Variants in SFTPA2 observed in about 807,000 individuals in gnomAD.
The protein encoded by SFTPA2 is pulmonary surfactant-associated protein A2.
SFTPA2 carries 21 observed loss-of-function variants against 20.3 expected under a neutral mutation model. The observed-to-expected ratio is 1.03, with a 90% CI of 0.73 to 1.49. The LOEUF is 1.49. SFTPA2 is among the 40% of genes most tolerant of loss of function. The pLI, the probability that SFTPA2 is intolerant of heterozygous loss-of-function variation, is 0.00. For synonymous variants in SFTPA2, 116 were observed against 118.7 expected, an observed-to-expected ratio of 0.98 and a Z score of 0.15; for missense variants, 302 against 314.8, an observed-to-expected ratio of 0.96 and a Z score of 0.31.
rs370004219 is a variant in SFTPA2 at position 79,559,092 on chromosome 10, G to T, written c.173-87C>A. ...AGACTCGATGCCCATTATCACCGGGGCTGGCTCAGCTATCACTCCGTGGGC... is the reference window on the plus strand; with the variant it reads ...AGACTCGATGCCCATTATCACCGGGTCTGGCTCAGCTATCACTCCGTGGGC... On this transcript the variant is annotated intron_variant, in intron 3 of 5. Transcript: ENST00000372325. 4,583 of 1,612,638 alleles carry T rather than the reference G, an allele frequency of 2.8e-3. 142 individuals carry two copies. In the South Asian group the frequency reaches 0.048, roughly 17 times the overall value.
At chr10:79,560,047 G>T in intron 1 of SFTPA2, 49 bp from the exon 2 acceptor site, 2 of 1,076,314 alleles carry the variant, frequency 1.9e-6, no homozygotes, top group East Asian at 1.5e-4. Flanking sequence ...ACCCTTCAAG[G>T]TGATCATCGG....
At chr10:79,557,957 C>G (rs989711626) in intron 5 of SFTPA2, 95 bp downstream of exon 5, 3 of 1,585,402 alleles carry the variant, frequency 1.9e-6, no homozygotes, top group Admixed American at 1.7e-5. Context: ...TGCATGTGCA[C>G]GCTTGTTTGT....
chr10:79,558,241 T>G (rs1029679026), intron 4 of SFTPA2, 112 bp from the exon 5 acceptor site: 5 of 1,603,138 alleles, frequency 3.1e-6, no homozygotes, highest in Non-Finnish European at 4.3e-6. Flanking sequence ...TTCATTGCTG[T>G]TAGGCACCAC....
rs1427538125 is a variant in SFTPA2 at position 79,555,868 on chromosome 10, A to G, written c.*1341T>C. 6.6e-6 allele frequency: 1 copy of G among 152,226 alleles called. No individual in the cohort carries two copies. The highest frequency in any genetic ancestry group is 1.5e-5 in the Non-Finnish European group (1 of 68,042). The allele number at this position is 152,226 out of a possible 1,614,324, so 9.4% of individuals were successfully genotyped here. ...AACCAAAGCTATGGAAACTCATGTGAACACACTAACGATTTATTATGCTTA... is the reference window on the plus strand; with the variant it reads ...AACCAAAGCTATGGAAACTCATGTGGACACACTAACGATTTATTATGCTTA... On this transcript the variant is annotated 3_prime_UTR_variant, in exon 6 of 6. Coordinates refer to ENST00000372325, the MANE Select transcript of SFTPA2 (RefSeq NM_001098668.4).
At chr10:79,558,798 G>A in intron 4 of SFTPA2, 88 bp downstream of exon 4, 2 of 1,608,756 alleles carry the variant, frequency 1.2e-6, no homozygotes, top group Non-Finnish European at 1.7e-6. Context: ...GAACCTGCAG[G>A]GTTTGTCTGA....
At position 79,559,022 on chromosome 10, in the gene SFTPA2, C is replaced by A; in HGVS notation, c.173-17G>T. On this transcript the variant is annotated splice_polypyrimidine_tract_variant and intron_variant, in intron 3 of 5. Coordinates refer to ENST00000372325, the MANE Select transcript of SFTPA2 (RefSeq NM_001098668.4). ...CCATGGGGCCTGCAGAGAAAAGAGA[C>A]ATGGATGTGTAGGATCTGTCACCCA... 2 of 1,614,170 alleles carry A rather than the reference C, an allele frequency of 1.2e-6. No homozygotes were observed. Among genetic ancestry groups the A allele is most frequent in the Non-Finnish European group, 1.7e-6 (2 of 1,180,036 alleles).
At chr10:79,559,846 G>A (rs909640544) in intron 2 of SFTPA2, 123 bp downstream of exon 2, 388 of 1,374,038 alleles carry the variant, frequency 2.8e-4, no homozygotes, top group Non-Finnish European at 3.6e-4. Flanking sequence ...TCACCTCTCT[G>A]ATTTCAGCTG....
chr10:79,559,754 G>A (rs1350173862), intron 2 of SFTPA2: 3 of 1,528,670 alleles, frequency 2.0e-6, no homozygotes, highest in East Asian at 2.5e-5. Context: ...AGAGTAAGGA[G>A]CTCTGGGGAG....
chr10:79,560,082 G>T (rs968842796), intron 1 of SFTPA2, 84 bp from the exon 2 acceptor site: 2 of 989,392 alleles, frequency 2.0e-6, no homozygotes, highest in East Asian at 8.7e-5. Flanking sequence ...CTCACAGTCA[G>T]TGATGAGGTC....
At chr10:79,560,141 C>T in intron 1 of SFTPA2, 143 bp from the exon 2 acceptor site, 1 of 486,264 alleles carries the variant, frequency 2.1e-6, no homozygotes, top group Non-Finnish European at 2.7e-6. Flanking sequence ...TTAGGCCCTG[C>T]TGAGTCCCTG....
rs1348669075 is a variant in SFTPA2 at position 79,556,532 on chromosome 10, C to G, written c.*677G>C. Reference sequence around the variant, plus strand: ...CCCTAGAGGCCTTGGCCGGCTGCCTCCAGGTCAGGGGGCTGAGTTGGCATC... The same window carrying G: ...CCCTAGAGGCCTTGGCCGGCTGCCTGCAGGTCAGGGGGCTGAGTTGGCATC... On this transcript the variant is annotated 3_prime_UTR_variant, in exon 6 of 6. Transcript: ENST00000372325. 1 of 154,074 alleles carries G rather than the reference C, an allele frequency of 6.5e-6. No individual in the cohort carries two copies. Among genetic ancestry groups the G allele is most frequent in the African/African-American group, 2.4e-5 (1 of 41,474 alleles). The allele number at this position is 154,074 out of a possible 1,614,324, so 9.5% of individuals were successfully genotyped here.
rs1564670085 is a variant in SFTPA2 at position 79,559,036 on chromosome 10, A to T, written c.173-31T>A. ...GAGAAAAGAGACATGGATGTGTAGG[A>T]TCTGTCACCCACAACTGGTTGGAGC... On this transcript the variant is annotated intron_variant, in intron 3 of 5. Coordinates refer to ENST00000372325, the MANE Select transcript of SFTPA2 (RefSeq NM_001098668.4). 1.9e-6 allele frequency: 3 copies of T among 1,614,124 alleles called. No homozygotes were observed. In the Admixed American group the frequency reaches 5.0e-5, roughly 27 times the overall value.
At position 79,557,599 on chromosome 10, in the gene SFTPA2, AG is replaced by A; in HGVS notation, c.371-15del. On this transcript the variant is annotated splice_polypyrimidine_tract_variant and intron_variant, in intron 5 of 5. Coordinates refer to ENST00000372325, the MANE Select transcript of SFTPA2 (RefSeq NM_001098668.4). Reference sequence around the variant, plus strand: ...GCAGACTGAGGGCTGAGAGCAGAGGAGTCCAGGTCAGGCCACTGACCACTTT... The same window carrying A: ...GCAGACTGAGGGCTGAGAGCAGAGGATCCAGGTCAGGCCACTGACCACTTT... 6.3e-7 allele frequency: 1 copy of A among 1,586,916 alleles called. No individual in the cohort carries two copies. Among genetic ancestry groups the A allele is most frequent in the South Asian group, 1.1e-5 (1 of 88,618 alleles).
rs753746422 is a variant in SFTPA2 at position 79,558,034 on chromosome 10, C to T, written c.370+18G>A. 5.0e-6 allele frequency: 8 copies of T among 1,614,100 alleles called. No homozygotes were observed. The East Asian group carries it at 8.9e-5, about 18-fold the overall frequency. On this transcript the variant is annotated intron_variant, in intron 5 of 5. Coordinates refer to ENST00000372325, the MANE Select transcript of SFTPA2 (RefSeq NM_001098668.4). Reference sequence around the variant, plus strand: ...TGTGGGAAACTCCTACCCCGTGAGGCCCAGGGGGTCCCCTTACCTCCCCTT... The same window carrying T: ...TGTGGGAAACTCCTACCCCGTGAGGTCCAGGGGGTCCCCTTACCTCCCCTT...
At chr10:79,557,943 C>A in intron 5 of SFTPA2, 109 bp downstream of exon 5, 1 of 1,547,122 alleles carries the variant, frequency 6.5e-7, no homozygotes, top group Non-Finnish European at 8.9e-7. Context: ...CTTTCCCCAA[C>A]ACCTGCATGT....
At chr10:79,557,923 A>T (rs1191040504) in intron 5 of SFTPA2, 129 bp downstream of exon 5, 1 of 1,454,960 alleles carries the variant, frequency 6.9e-7, no homozygotes, top group Non-Finnish European at 9.6e-7. Flanking sequence ...CAGAAAAGCA[A>T]GCATCATTCC....
chr10:79,559,719 G>C (rs1383431061), intron 2 of SFTPA2: 2 of 1,548,400 alleles, frequency 1.3e-6, no homozygotes, highest in Non-Finnish European at 1.7e-6. Context: ...AGGTTGTGGG[G>C]TCTCAAGACT....
In SFTPA2 at chr10:79,557,818, A is replaced by G. The variant is rs922850073; in HGVS notation, c.371-233T>C. On this transcript the variant is annotated intron_variant, in intron 5 of 5. Transcript: ENST00000372325. ...GCCAGAAATGGTGCAATTTCCTAGG[A>G]TTCAGTGGAAAGCAAGACAGGCAGA... Among the ~76,000 whole-genome samples the G allele has an allele frequency of 3.3e-5, 5 of 152,242 alleles. No individual in the cohort carries two copies. The East Asian group carries it at 9.6e-4, about 29-fold the overall frequency.
intron 4 of SFTPA2, 100 bp downstream of exon 4, chr10:79,558,786 G>A (rs942563742): frequency 1.1e-5 from 17 of 1,597,024 alleles, no homozygotes; most frequent in Middle Eastern, 3.5e-4. Flanking sequence ...AATGCCCTTG[G>A]GGAACCTGCA....
Sources: gnomAD v4.1 joint callset for allele counts (sites outside exome capture counted in the v4.1 genomes callset) on GRCh38, gnomAD v4.1.1 for gene constraint, MANE v1.5 for transcripts, NCBI Gene and HGNC (gene_info 2026-07-23, HGNC 2026-07-21) for gene names.